Variants in GALNT1 observed in about 807,000 individuals in gnomAD.
The protein encoded by GALNT1 is polypeptide N-acetylgalactosaminyltransferase 1.
A neutral mutation model predicts 65.7 loss-of-function variants in GALNT1; 17 were observed. That is an observed-to-expected ratio of 0.26 (90% CI 0.18 to 0.39). The LOEUF (loss-of-function observed/expected upper bound fraction) is 0.39. GALNT1 is among the 10% of genes least tolerant of loss of function. The pLI, the probability that GALNT1 is intolerant of heterozygous loss-of-function variation, is 1.00. For synonymous variants in GALNT1, 210 were observed against 219.7 expected (o/e 0.96, Z 0.39); for missense variants, 460 against 672.8 (o/e 0.68, Z 3.50).
At chr18:35,682,908 T>TAAAAA (rs34199709) in intron 4 of GALNT1, among the ~76,000 whole-genome samples, 1 of 118,480 alleles carries the variant, frequency 8.4e-6, no homozygotes, top group Non-Finnish European at 1.7e-5. Context: ...GCCCCCTGAT[T>TAAAAA]AAAAAAAAAA....
At chr18:35,620,562 G>A (rs1159763312) in intron 1 of GALNT1, among the ~76,000 whole-genome samples, 1 of 152,014 alleles carries the variant, frequency 6.6e-6, no homozygotes, top group East Asian at 1.9e-4. Flanking sequence ...TTATCCTCAT[G>A]CATATTATTC....
intron 3 of GALNT1, among the ~76,000 whole-genome samples, chr18:35,671,925 C>T (rs1344399528): frequency 1.3e-5 from 2 of 152,192 alleles, no homozygotes; most frequent in Non-Finnish European, 2.9e-5. Flanking sequence ...TTCCTCCAAT[C>T]TGTTCTTTTG....
chr18:35,679,612 A>G (rs1309068152), intron 4 of GALNT1, among the ~76,000 whole-genome samples: 2 of 152,244 alleles, frequency 1.3e-5, no homozygotes, highest in East Asian at 3.9e-4. Flanking sequence ...GTGCCGCTCC[A>G]GAGTCCCTGC....
chr18:35,622,399 A>T (rs1406371671), intron 1 of GALNT1, among the ~76,000 whole-genome samples: 1 of 152,052 alleles, frequency 6.6e-6, no homozygotes, highest in Non-Finnish European at 1.5e-5. Flanking sequence ...CTATAAGCAC[A>T]TGCCACCATG....
Position 35,654,685 on chromosome 18 carries a change from A to G in GALNT1, c.23A>G (p.Lys8Arg). The G allele has an allele frequency of 1.6e-5, 25 of 1,529,738 alleles. No homozygotes were observed. The highest frequency in any genetic ancestry group is 2.2e-5 in the Non-Finnish European group (25 of 1,134,326). 94.8% of individuals were successfully genotyped at this position (1,529,738 alleles called of 1,614,324 possible). A position where few individuals can be genotyped will look rare whatever the true frequency, so the allele number is the denominator to read the frequency against. MRKFAYC[K>R]VVLATSLIWV... ...GCCATGAGAAAATTTGCATACTGCAAGGTGGTCCTAGCCACCTCCTTGATT... is the reference window on the plus strand; with the variant it reads ...GCCATGAGAAAATTTGCATACTGCAGGGTGGTCCTAGCCACCTCCTTGATT... The change falls in exon 2 of 12, where the codon AAG (lysine) becomes AGG (arginine). Residue 8 changes from lysine to arginine, a missense_variant. Lys to Arg is a conservative substitution (Grantham distance 26, BLOSUM62 2). Transcript: ENST00000269195.
intron 1 of GALNT1, among the ~76,000 whole-genome samples, chr18:35,607,790 C>T (rs553351929): frequency 1.6e-4 from 24 of 152,222 alleles, no homozygotes; most frequent in African/African-American, 5.8e-4. Context: ...TGTGAAGTTA[C>T]ACTCAAGGCT....
At chr18:35,591,620 GA>G (rs1229533763) in intron 1 of GALNT1, 1 of 154,046 alleles carries the variant, frequency 6.5e-6, no homozygotes, top group Non-Finnish European at 1.5e-5. Flanking sequence ...GAAAGATTGA[GA>G]GGGGCTTTGA....
chr18:35,675,036 A>G (rs1238152085), intron 3 of GALNT1, among the ~76,000 whole-genome samples: 1 of 151,432 alleles, frequency 6.6e-6, no homozygotes, highest in Non-Finnish European at 1.5e-5. Context: ...TGAGGATAAA[A>G]GTCTCACTTG....
intron 1 of GALNT1, among the ~76,000 whole-genome samples, chr18:35,652,109 T>A (rs1308785064): frequency 6.6e-6 from 1 of 152,168 alleles, no homozygotes; most frequent in Non-Finnish European, 1.5e-5. Flanking sequence ...GATTTCTTCC[T>A]GGTACGGTTA....
intron 1 of GALNT1, among the ~76,000 whole-genome samples, chr18:35,601,767 A>G (rs2046585752): frequency 6.6e-6 from 1 of 152,228 alleles, no homozygotes; most frequent in African/African-American, 2.4e-5. Context: ...TGTATTCTGC[A>G]GCAGTTACAT....
intron 1 of GALNT1, among the ~76,000 whole-genome samples, chr18:35,649,547 G>T (rs977540296): frequency 2.6e-5 from 4 of 152,104 alleles, no homozygotes; most frequent in East Asian, 1.9e-4. Context: ...ATCAATAAAG[G>T]TGTATCACCT....
intron 1 of GALNT1, chr18:35,596,157 A>G (rs544029470): frequency 2.6e-5 from 4 of 152,304 alleles, no homozygotes; most frequent in South Asian, 4.1e-4. Flanking sequence ...TTCACAGTCA[A>G]TGGGGGTTTA....
In GALNT1 at chr18:35,691,042, G is replaced by A. The variant is rs1265026869; in HGVS notation, c.1009G>A (p.Val337Ile). 2.5e-6 allele frequency: 4 copies of A among 1,606,598 alleles called. No individual in the cohort carries two copies. The highest frequency in any genetic ancestry group is 2.2e-5 in the East Asian group (1 of 44,716). The part of the protein sequence containing the change: ...IWQCGGTLEI[V>I]TCSHVGHVFR... ...GCAGTGTGGAGGAACTTTGGAAATT[G>A]TTACATGCTCACATGTTGGACATGT... Residue 337 changes from valine (V) to isoleucine (I), a missense_variant, in exon 8 of 12, where the codon GTT (valine) becomes ATT (isoleucine). By Grantham distance (29) the Val-to-Ile change is conservative. Coordinates refer to ENST00000269195, the MANE Select transcript of GALNT1 (RefSeq NM_020474.4).
chr18:35,701,835 A>T (rs191833751), intron 9 of GALNT1, among the ~76,000 whole-genome samples: 22 of 152,306 alleles, frequency 1.4e-4, no homozygotes, highest in Admixed American at 3.3e-4. Flanking sequence ...ACCGAGTTTG[A>T]GATTTTGGTG....
chr18:35,697,544 A>G (rs558834297), intron 9 of GALNT1, among the ~76,000 whole-genome samples: 20 of 152,298 alleles, frequency 1.3e-4, no homozygotes, highest in African/African-American at 4.8e-4. Flanking sequence ...AACATATCTG[A>G]TCATAAAACA....
intron 1 of GALNT1, among the ~76,000 whole-genome samples, chr18:35,598,565 A>T (rs1413534800): frequency 1.3e-5 from 2 of 152,178 alleles, no homozygotes; most frequent in African/African-American, 2.4e-5. Context: ...ATAGGATTTC[A>T]TTTTTTATGG....
intron 1 of GALNT1, among the ~76,000 whole-genome samples, chr18:35,629,349 T>G (rs1229533875): frequency 2.6e-5 from 4 of 152,198 alleles, no homozygotes; most frequent in African/African-American, 9.7e-5. Flanking sequence ...GGGAATCCCA[T>G]CAGACTAACA....
At position 35,685,266 on chromosome 18, in the gene GALNT1, A is replaced by G. The variant is rs143609523; in HGVS notation, c.689+1668A>G. Among the ~76,000 whole-genome samples the G allele has an allele frequency of 5.6e-3, 857 of 152,288 alleles. 4 individuals carry two copies. Among genetic ancestry groups the G allele is most frequent in the Non-Finnish European group, 9.6e-3 (654 of 68,030 alleles). The stretch of plus-strand genomic sequence containing the variant: ...CGTGTAAAAAACATATCATGATATC[A>G]TGACTGCTTGGTTTAGCGTAATATT... On this transcript the variant is annotated intron_variant, in intron 5 of 11. Transcript: ENST00000269195.
intron 1 of GALNT1, among the ~76,000 whole-genome samples, chr18:35,628,467 G>A (rs1038980436): frequency 6.6e-6 from 1 of 152,166 alleles, no homozygotes; most frequent in Non-Finnish European, 1.5e-5. Flanking sequence ...GGTCTGGAGT[G>A]GACCTCCAGC....
Sources: gnomAD v4.1 joint callset for allele counts (sites outside exome capture counted in the v4.1 genomes callset) on GRCh38, gnomAD v4.1.1 for gene constraint, MANE v1.5 for transcripts, NCBI Gene and HGNC (gene_info 2026-07-23, HGNC 2026-07-21) for gene names.